Variants in PASD1 observed in about 807,000 individuals in gnomAD.
The protein encoded by PASD1 is PAS domain containing repressor 1, also known as circadian clock protein PASD1.
Under a neutral mutation model 58.8 loss-of-function variants are expected in PASD1, and 13 were observed. The ratio of observed to expected loss-of-function variants is 0.22; its 90% CI spans 0.14 to 0.35. PASD1 has a LOEUF of 0.35. Ranked by LOEUF, PASD1 falls within the 10% of genes least tolerant of loss-of-function variation. PASD1 has a pLI of 1.00. For missense variants in PASD1, 734 were observed against 568.3 expected (o/e 1.29, Z -2.96); for synonymous variants, 236 against 216.7 (o/e 1.09, Z -0.78).
chrX:151,655,450 A>G (rs2014227230), intron 9 of PASD1, among the ~76,000 whole-genome samples: 1 of 112,012 alleles, frequency 8.9e-6, no homozygotes, highest in Non-Finnish European at 1.9e-5. Context: ...CAATGGTTGA[A>G]CTAGTTTACA....
chrX:151,668,330 C>T (rs1158467918), intron 11 of PASD1, among the ~76,000 whole-genome samples: 1 of 111,496 alleles, frequency 9.0e-6, no homozygotes, highest in Non-Finnish European at 1.9e-5. Context: ...ATATGTTGAA[C>T]CAGCCTTGCA....
At chrX:151,598,335 T>C (rs1351177372) in intron 1 of PASD1, among the ~76,000 whole-genome samples, 5 of 111,851 alleles carry the variant, frequency 4.5e-5, no homozygotes, top group Non-Finnish European at 9.4e-5. Flanking sequence ...CTTTGGTATG[T>C]ATTGATCTTT....
At chrX:151,647,394 G>T (rs943828010) in intron 8 of PASD1, among the ~76,000 whole-genome samples, 7 of 110,723 alleles carry the variant, frequency 6.3e-5, no homozygotes, top group Admixed American at 2.9e-4. Context: ...TAAATAATAT[G>T]TGGGCAGATT....
At chrX:151,596,320 G>T (rs1181642658) in intron 1 of PASD1, among the ~76,000 whole-genome samples, 1 of 111,872 alleles carries the variant, frequency 8.9e-6, no homozygotes, top group East Asian at 2.8e-4. Flanking sequence ...AAAAAGTGAG[G>T]CAGGCAGGAG....
chrX:151,641,353 C>T (rs1468705224), intron 8 of PASD1, among the ~76,000 whole-genome samples: 2 of 111,494 alleles, frequency 1.8e-5, no homozygotes, highest in Non-Finnish European at 3.8e-5. Flanking sequence ...ATTGAATTTT[C>T]TTAGCTATGC....
At position 151,577,530 on chromosome X, in the gene PASD1, T is replaced by C. The variant is rs769642193; in HGVS notation, c.-28+13691T>C. Among the ~76,000 whole-genome samples the C allele has an allele frequency of 2.7e-5, 3 of 111,571 alleles. No individual in the cohort carries two copies. The South Asian group carries it at 1.1e-3, about 43-fold the overall frequency. On this transcript the variant is annotated intron_variant, in intron 1 of 15. Transcript: ENST00000370357. ...AAGAAAGGTTAGGTGAGAGTCTTTA[T>C]TTATTTATTTATGAGATGAAGTCTT...
At chrX:151,672,925 A>T in intron 14 of PASD1, 1 of 349,272 alleles carries the variant, frequency 2.9e-6, no homozygotes, top group Non-Finnish European at 4.8e-6. Flanking sequence ...AATGCTAGGG[A>T]ATTAGCCCAC....
At position 151,671,770 on chromosome X, in the gene PASD1, C is replaced by A; in HGVS notation, c.1428C>A (p.Ala476=). ...NTGELQEPCV[A]FNQQQLVQQE... is the part of the protein sequence containing the mutation. ...GGGAGCTTCAGGAGCCTTGTGTTGC[C>A]TTCAACCAGGTATGGAAAGGCTGTT... Residue 476 remains alanine, a synonymous_variant, in exon 13 of 16, where the codon GCC becomes GCA. Transcript: ENST00000370357. 8.3e-7 allele frequency: 1 copy of A among 1,204,693 alleles called. No individual in the cohort carries two copies. Among genetic ancestry groups the A allele is most frequent in the East Asian group, 3.0e-5 (1 of 33,813 alleles).
chrX:151,610,936 T>A (rs34853548), intron 3 of PASD1, among the ~76,000 whole-genome samples: 42,206 of 110,112 alleles, frequency 0.38, 6,135 homozygotes, highest in African/African-American at 0.44. Context: ...TGAAAGTGTC[T>A]CCCTTTTGGA....
chrX:151,623,247 C>G (rs1338802241), intron 7 of PASD1, among the ~76,000 whole-genome samples, 183 bp downstream of exon 7: 1 of 112,053 alleles, frequency 8.9e-6, no homozygotes, highest in African/African-American at 3.2e-5. Flanking sequence ...GTGAACATCT[C>G]AGTGAAAATT....
intron 1 of PASD1, among the ~76,000 whole-genome samples, chrX:151,598,505 C>G (rs2013351792): frequency 9.0e-6 from 1 of 110,893 alleles, no homozygotes; most frequent in African/African-American, 3.3e-5. Context: ...TGCTATTATG[C>G]CCATCTGGAA....
At position 151,659,790 on chromosome X, in the gene PASD1, T is replaced by G; in HGVS notation, c.795T>G (p.Thr265=). The change falls in exon 10 of 16, where the codon ACT becomes ACG. Residue 265 remains threonine (T), a synonymous_variant. Coordinates refer to ENST00000370357, the MANE Select transcript of PASD1 (RefSeq NM_173493.3). ...ACATGTTTGTAGATTCTGATTCAACTTATTGCTCCAGTACAGTTTTCCTGG... is the reference window on the plus strand; with the variant it reads ...ACATGTTTGTAGATTCTGATTCAACGTATTGCTCCAGTACAGTTTTCCTGG... ...NVHMFVDSDS[T]YCSSTVFLDT... 1 of 1,204,715 alleles carries G rather than the reference T, an allele frequency of 8.3e-7. No homozygotes were observed. Among genetic ancestry groups the G allele is most frequent in the African/African-American group, 1.7e-5 (1 of 57,231 alleles).
intron 14 of PASD1, chrX:151,673,102 G>T (rs2294102): frequency 0.21 from 27,602 of 134,460 alleles, 2,343 homozygotes; most frequent in Middle Eastern, 0.39. Flanking sequence ...TATCTCCCTG[G>T]CATTTATGAA....
chrX:151,611,702 A>G lies in PASD1; in HGVS notation c.156A>G (p.Gly52=), dbSNP rs1569405070. ...TTATGATTACACTGAGCACAGATGG[A>G]GTGATCATTTGTGTGGCTGAAAACA... ...DGFMITLSTD[G]VIICVAENIS... is the part of the protein sequence containing the mutation. Residue 52 remains glycine, a synonymous_variant, in exon 4 of 16, where the codon GGA becomes GGG. Transcript: ENST00000370357. 1 of 1,206,523 alleles carries G rather than the reference A, an allele frequency of 8.3e-7. No homozygotes were observed. The highest frequency in any genetic ancestry group is 1.1e-6 in the Non-Finnish European group (1 of 892,300).
At chrX:151,660,404 A>T (rs922826584) in intron 10 of PASD1, among the ~76,000 whole-genome samples, 1 of 112,350 alleles carries the variant, frequency 8.9e-6, no homozygotes, top group African/African-American at 3.2e-5. Flanking sequence ...CTCTATTTTA[A>T]TTTTTATTTC....
intron 8 of PASD1, 71 bp downstream of exon 8, chrX:151,625,601 G>A (rs769352939): frequency 6.4e-5 from 50 of 778,328 alleles, no homozygotes; most frequent in Non-Finnish European, 9.2e-5. Context: ...TAAAACAAGA[G>A]AAATAACACC....
intron 3 of PASD1, among the ~76,000 whole-genome samples, chrX:151,608,650 T>C (rs1174769938): frequency 1.8e-5 from 2 of 111,859 alleles, no homozygotes; most frequent in Non-Finnish European, 3.8e-5. Context: ...TTTTATCTAT[T>C]ATATTTAATG....
In PASD1 at chrX:151,634,217, C is replaced by T. The variant is rs139490494; in HGVS notation, c.629+8687C>T. On this transcript the variant is annotated intron_variant, in intron 8 of 15. Coordinates refer to ENST00000370357, the MANE Select transcript of PASD1 (RefSeq NM_173493.3). ...GCCCCATTTGCTTTATTATCATTCT[C>T]TCCTCTTCTCTCCTTCTCTCAACTT... Among the ~76,000 whole-genome samples, 896 of 111,124 alleles carry T rather than the reference C, an allele frequency of 8.1e-3. 2 individuals are homozygous for T. Among genetic ancestry groups the T allele is most frequent in the Non-Finnish European group, 0.013 (680 of 52,924 alleles).
intron 11 of PASD1, among the ~76,000 whole-genome samples, chrX:151,665,752 C>T (rs1402222516): frequency 9.0e-6 from 1 of 110,836 alleles, no homozygotes; most frequent in East Asian, 2.8e-4. Flanking sequence ...TTGGCAGCTC[C>T]TTTTCCAGGA....
Sources: gnomAD v4.1 joint callset for allele counts (sites outside exome capture counted in the v4.1 genomes callset) on GRCh38, gnomAD v4.1.1 for gene constraint, MANE v1.5 for transcripts, NCBI Gene and HGNC (gene_info 2026-07-23, HGNC 2026-07-21) for gene names.